The following EPB41L1 variants were observed in gnomAD, a reference collection of about 807,000 sequenced individuals.
EPB41L1 encodes band 4.1-like protein 1.
In EPB41L1, 29 loss-of-function variants were observed where a neutral mutation model predicts 97.8. That is an observed-to-expected ratio of 0.30 (90% CI 0.22 to 0.40). The LOEUF (loss-of-function observed/expected upper bound fraction) is 0.40, where lower values mean the gene tolerates loss of function less well. Ranked by LOEUF, EPB41L1 falls within the 10% of genes least tolerant of loss-of-function variation. The pLI, the probability that EPB41L1 is intolerant of heterozygous loss-of-function variation, is 1.00. For synonymous variants in EPB41L1, 383 were observed against 459.2 expected (o/e 0.83, Z 2.12); for missense variants, 812 against 1,162.3 (o/e 0.70, Z 4.38).
In EPB41L1 at chr20:36,207,847, T is replaced by C; in HGVS notation, c.1669-1641T>C. Reference sequence around the variant, plus strand: ...GCCCATGGGGGCTGGCCGCATGCTCTGTAGTTTTTAGAAGCATGTTTCAGT... The same window carrying C: ...GCCCATGGGGGCTGGCCGCATGCTCCGTAGTTTTTAGAAGCATGTTTCAGT... On this transcript the variant is annotated intron_variant, in intron 14 of 21. Transcript: ENST00000338074. The surrounding 1 kb of genome is among the most constrained non-coding windows in gnomAD (Gnocchi z 4.9). 1 of 1,221,246 alleles carries C rather than the reference T, an allele frequency of 8.2e-7. No homozygotes were observed. Among genetic ancestry groups the C allele is most frequent in the Non-Finnish European group, 1.0e-6 (1 of 955,110 alleles). The allele number at this position is 1,221,246 out of a possible 1,614,324, so 75.7% of individuals were successfully genotyped here. A position where few individuals can be genotyped will look rare whatever the true frequency, so the allele number is the denominator to read the frequency against.
At chr20:36,125,641 G>C in intron 2 of EPB41L1, 1 of 1,474,954 alleles carries the variant, frequency 6.8e-7, no homozygotes, top group Non-Finnish European at 9.0e-7. Context: ...GTGTGTTGGG[G>C]ACGGCAAGGA....
chr20:36,197,267 G>A (rs1355909637), intron 13 of EPB41L1, among the ~76,000 whole-genome samples: 3 of 152,144 alleles, frequency 2.0e-5, no homozygotes, highest in Non-Finnish European at 4.4e-5. Flanking sequence ...TCTGTACTGT[G>A]GGCCTCCCCA....
chr20:36,217,654 G>A (rs1017656408), intron 17 of EPB41L1, among the ~76,000 whole-genome samples: 3 of 152,172 alleles, frequency 2.0e-5, no homozygotes, highest in Admixed American at 6.5e-5. Flanking sequence ...GGCTGTTAAG[G>A]GGAAAGGAAG....
intron 1 of EPB41L1, among the ~76,000 whole-genome samples, chr20:36,156,443 T>C (rs1270371115): frequency 6.6e-6 from 1 of 152,158 alleles, no homozygotes; most frequent in Non-Finnish European, 1.5e-5. Context: ...TCAGTCGATA[T>C]TGAAAGGTTG....
At chr20:36,159,276 A>G (rs1323743999) in intron 1 of EPB41L1, among the ~76,000 whole-genome samples, 1 of 152,236 alleles carries the variant, frequency 6.6e-6, no homozygotes, top group Non-Finnish European at 1.5e-5. Flanking sequence ...ATAAATCCCC[A>G]TCAGAGCTTC....
Position 36,182,298 on chromosome 20 carries a change from G to A in EPB41L1, c.517G>A (p.Val173Ile), listed in dbSNP as rs772962742. ...RSSPWNFAFT[V>I]KFYPPDPAQL... is the part of the protein sequence containing the mutation. ...TAGCCCCTGGAATTTTGCCTTCACA[G>A]TCAAGTTCTACCCGCCTGATCCTGC... Residue 173 changes from valine (V) to isoleucine (I), a missense_variant, in exon 6 of 22, where the codon GTC (valine) becomes ATC (isoleucine). This residue lies in a region of EPB41L1 where 230 missense variants were observed against 445.2 expected (regional missense o/e 0.52). Transcript: ENST00000338074. The A allele has an allele frequency of 2.5e-6, 4 of 1,614,068 alleles. No homozygotes were observed. Among genetic ancestry groups the A allele is most frequent in the East Asian group, 2.2e-5 (1 of 44,876 alleles).
chr20:36,152,791 G>A, upstream of EPB41L1: 1 of 352,104 alleles, frequency 2.8e-6, no homozygotes, highest in Non-Finnish European at 5.6e-6. Context: ...CACGGCCCCA[G>A]GGGCCTGTGT....
chr20:36,168,980 C>CAAAG (rs1374119113), intron 1 of EPB41L1, among the ~76,000 whole-genome samples: 1 of 151,780 alleles, frequency 6.6e-6, no homozygotes, highest in Non-Finnish European at 1.5e-5. Flanking sequence ...GTAATCCTAG[C>CAAAG]ACTTTGGGAG....
intron 1 of EPB41L1, among the ~76,000 whole-genome samples, chr20:36,105,056 C>T (rs1013795781): frequency 3.3e-5 from 5 of 151,916 alleles, no homozygotes; most frequent in African/African-American, 1.2e-4. Flanking sequence ...GCTTTCCTTC[C>T]GGAAAAGGAG....
intron 7 of EPB41L1, among the ~76,000 whole-genome samples, 169 bp downstream of exon 7, chr20:36,185,504 T>C (rs1600811173): frequency 6.6e-6 from 1 of 152,332 alleles, no homozygotes; most frequent in East Asian, 1.9e-4. Flanking sequence ...ATAGGAACGA[T>C]AGTGACTGGC....
upstream of EPB41L1, among the ~76,000 whole-genome samples, chr20:36,154,176 GA>G (rs1157837531): frequency 6.6e-6 from 1 of 152,156 alleles, no homozygotes; most frequent in Admixed American, 6.5e-5. This position sits in a 1 kb window ranked among gnomAD's most constrained non-coding sequence, Gnocchi z 5.5. Flanking sequence ...GGTGGGGGAG[GA>G]CGCCGAGTCC....
chr20:36,170,870 C>G (rs1042588061), intron 1 of EPB41L1, among the ~76,000 whole-genome samples: 1 of 152,136 alleles, frequency 6.6e-6, no homozygotes, highest in Non-Finnish European at 1.5e-5. Context: ...TCTCCTCTGT[C>G]GTTCTGGGAG....
rs2062177524 is a variant in EPB41L1, at chr20:36,195,905, C to A, written c.1485+541C>A. Among the ~76,000 whole-genome samples the A allele has an allele frequency of 6.6e-6, 1 of 152,206 alleles. No individual in the cohort carries two copies. The highest frequency in any genetic ancestry group is 2.4e-5 in the African/African-American group (1 of 41,456). ...GAGGTGCCTCAGAGCACACCTGCAT[C>A]TGCCCCAACTCCAGTCCTACACCTC... On this transcript the variant is annotated intron_variant, in intron 13 of 21. Transcript: ENST00000338074. This position sits in a 1 kb window ranked among gnomAD's most constrained non-coding sequence, Gnocchi z 4.6.
At position 36,195,217 on chromosome 20, in the gene EPB41L1, G is replaced by T; in HGVS notation, c.1450-112G>T. 3.0e-6 allele frequency: 4 copies of T among 1,342,036 alleles called. No homozygotes were observed. The highest frequency in any genetic ancestry group is 4.2e-6 in the Non-Finnish European group (4 of 944,622). 83.1% of individuals were successfully genotyped at this position (1,342,036 alleles called of 1,614,324 possible). On this transcript the variant is annotated intron_variant, in intron 12 of 21. Coordinates refer to ENST00000338074, the MANE Select transcript of EPB41L1 (RefSeq NM_012156.2). The surrounding 1 kb of genome is among the most constrained non-coding windows in gnomAD (Gnocchi z 4.6). ...ACCCAGCTGCCCTGGCCTCCACTTG[G>T]TCGAGTGTGCGTGCTCTGGGCTCCT... is the stretch of plus-strand genomic sequence containing the variant.
intron 5 of EPB41L1, 94 bp from the exon 6 acceptor site, chr20:36,182,178 G>A (rs775662308): frequency 9.4e-7 from 1 of 1,060,512 alleles, no homozygotes; most frequent in Middle Eastern, 2.0e-4. Flanking sequence ...ATTATACATA[G>A]GAGAAACTTT....
Position 36,108,974 on chromosome 20 carries a change from C to T in EPB41L1, c.-64-3452C>T, listed in dbSNP as rs143060972. Among the ~76,000 whole-genome samples, 477 of 150,084 alleles carry T rather than the reference C, an allele frequency of 3.2e-3. 7 individuals carry two copies. The East Asian group carries it at 0.057, about 18-fold the overall frequency. On this transcript the variant is annotated intron_variant, in intron 1 of 19. Coordinates refer to the EPB41L1 transcript ENST00000202028. Reference sequence around the variant, plus strand: ...TTTTTTTTTTTTTGAGATGGAGTCTCGCTCTGTTGCCCAGACTGGAGTGCA... The same window carrying T: ...TTTTTTTTTTTTTGAGATGGAGTCTTGCTCTGTTGCCCAGACTGGAGTGCA...
Position 36,187,626 on chromosome 20 carries a change from TA to T in EPB41L1, c.786-47del, listed in dbSNP as rs745436310. The T allele has an allele frequency of 3.3e-5, 50 of 1,523,648 alleles. No homozygotes were observed. The Admixed American group carries it at 7.7e-4, about 23-fold the overall frequency. 94.4% of individuals were successfully genotyped at this position (1,523,648 alleles called of 1,614,324 possible). A position where few individuals can be genotyped will look rare whatever the true frequency, so the allele number is the denominator to read the frequency against. The stretch of plus-strand genomic sequence containing the variant: ...GGTGGGCACCTTTGGACAGCAGGAC[TA>T]AACCTGGGCCTTTCCCTTGGTCACC... On this transcript the variant is annotated intron_variant, in intron 7 of 21. Coordinates refer to ENST00000338074, the MANE Select transcript of EPB41L1 (RefSeq NM_012156.2).
chr20:36,158,405 G>A (rs1006070825), intron 1 of EPB41L1, among the ~76,000 whole-genome samples: 9 of 152,140 alleles, frequency 5.9e-5, no homozygotes, highest in South Asian at 2.1e-4. Flanking sequence ...TCAAGAAGAC[G>A]GGGACCTTTG....
intron 1 of EPB41L1, among the ~76,000 whole-genome samples, chr20:36,168,616 C>T (rs146190193): frequency 2.4e-4 from 36 of 151,806 alleles, no homozygotes; most frequent in South Asian, 6.2e-4. Flanking sequence ...CTGCAACCTC[C>T]GACTCCCAGT....
Sources: allele counts gnomAD v4.1 joint callset (sites outside exome capture counted in the v4.1 genomes callset), GRCh38; gene constraint gnomAD v4.1.1; regional missense constraint gnomAD v4.1.1; non-coding constraint Gnocchi (gnomAD v3.1); transcripts MANE v1.5; gene names NCBI Gene and HGNC (gene_info 2026-07-23, HGNC 2026-07-21).